LNX1: variants seen among roughly 807,000 people sequenced by gnomAD.
The protein encoded by LNX1 is ligand of numb-protein X 1, also known as E3 ubiquitin-protein ligase LNX.
In LNX1, 54 loss-of-function variants were observed where a neutral mutation model predicts 68.4. The observed-to-expected ratio is 0.79, with a 90% CI of 0.63 to 0.99. The LOEUF (loss-of-function observed/expected upper bound fraction) is 0.99, where lower values mean the gene tolerates loss of function less well. Among genes scored for constraint, LNX1 ranks in the 50% least tolerant of loss-of-function variants. The pLI, the probability that LNX1 is intolerant of heterozygous loss-of-function variation, is 0.00. For synonymous variants in LNX1, 336 were observed against 350.0 expected, an observed-to-expected ratio of 0.96 and a Z score of 0.45; for missense variants, 906 against 926.4, an observed-to-expected ratio of 0.98 and a Z score of 0.29.
chr4:53,463,649 C>A (rs1040322601), intron 9 of LNX1, among the ~76,000 whole-genome samples: 2 of 147,606 alleles, frequency 1.4e-5, no homozygotes, highest in South Asian at 4.3e-4. Flanking sequence ...GAAGATTTGG[C>A]ATAGTATAAG....
At chr4:53,593,934 T>C (rs1369416329), upstream of LNX1, 2 of 152,074 alleles carry the variant, frequency 1.3e-5, no homozygotes, top group Non-Finnish European at 2.9e-5. Context: ...CAAGGCCCAC[T>C]TTTTAACCAC....
In LNX1 at chr4:53,573,723, C is replaced by T; in HGVS notation, c.280G>A (p.Val94Ile). ...AGTAGCTTGTTGAGGAGTTTGTTGA[C>T]CAGGATGCTGGACTTCTTGCAGTGC... ...LQHCKKSSIL[V>I]NKLLNKLLVT... The change falls in exon 2 of 11, where the codon GTC becomes ATC. Residue 94 changes from valine (V) to isoleucine (I), a missense_variant. Physicochemically the swap from Val to Ile is conservative, Grantham distance 29. Coordinates refer to ENST00000263925, the MANE Select transcript of LNX1 (RefSeq NM_001126328.3). 1 of 1,611,176 alleles carries T rather than the reference C, an allele frequency of 6.2e-7. No homozygotes were observed. Among genetic ancestry groups the T allele is most frequent in the Admixed American group, 1.7e-5 (1 of 59,552 alleles).
rs183731214 is a variant in LNX1 at position 53,649,064 on chromosome 4, G to A, written c.-215+3104C>T. Among the ~76,000 whole-genome samples, 18 of 152,262 alleles carry A rather than the reference G, an allele frequency of 1.2e-4. No individual in the cohort carries two copies. In the East Asian group the frequency reaches 3.3e-3, roughly 28 times the overall value. ...GCCTGTAACCCAAAATATATCAAAA[G>A]ATAAGCAACAGTAAGGCATAAAATG... is the stretch of plus-strand genomic sequence containing the variant. On this transcript the variant is annotated intron_variant, in intron 1 of 2. Coordinates refer to the LNX1 transcript ENST00000507168.
At chr4:53,471,810 T>C (rs558994653) in intron 9 of LNX1, among the ~76,000 whole-genome samples, 3 of 152,266 alleles carry the variant, frequency 2.0e-5, no homozygotes, top group African/African-American at 7.2e-5. Flanking sequence ...CCAATTAGAA[T>C]GGCGATCATT....
chr4:53,644,097 T>TA (rs933243572), intron 1 of LNX1, among the ~76,000 whole-genome samples: 4 of 151,796 alleles, frequency 2.6e-5, no homozygotes, highest in African/African-American at 4.8e-5. Context: ...ATTCTAGTGA[T>TA]AAAAAAAAGT....
intron 1 of LNX1, among the ~76,000 whole-genome samples, chr4:53,652,009 A>ATGTG (rs139303198): frequency 1.6e-5 from 2 of 127,388 alleles, no homozygotes; most frequent in Admixed American, 7.9e-5. Flanking sequence ...CCTCAATTTG[A>ATGTG]TGTGTGTGTG....
Position 53,461,574 on chromosome 4 carries a change from C to T in LNX1, c.1912G>A (p.Asp638Asn). 3.1e-6 allele frequency: 5 copies of T among 1,611,560 alleles called. No individual in the cohort carries two copies. Among genetic ancestry groups the T allele is most frequent in the South Asian group, 1.1e-5 (1 of 90,882 alleles). The change falls in exon 10 of 11, where the codon GAT becomes AAT. Residue 638 changes from aspartate (D) to asparagine (N), a missense_variant. Physicochemically the swap from Asp to Asn is conservative, Grantham distance 23. Transcript: ENST00000263925. ...GCTGTGTTTCTTCGTAATACAATAT[C>T]TTTACAGTTATACAAGCACCTGAAA... ...ELPRCLYNCK[D>N]IVLRRNTAGS...
chr4:53,613,346 ATT>A (rs201327120), intron 2 of LNX1, among the ~76,000 whole-genome samples: 10 of 148,818 alleles, frequency 6.7e-5, no homozygotes, highest in African/African-American at 1.5e-4. Context: ...CTTTCCAGGA[ATT>A]TTTTTTTTTT....
intron 2 of LNX1, among the ~76,000 whole-genome samples, chr4:53,562,809 G>C (rs934409620): frequency 6.6e-6 from 1 of 152,064 alleles, no homozygotes; most frequent in African/African-American, 2.4e-5. Flanking sequence ...ACATATATGA[G>C]GTAATGCATG....
chr4:53,575,804 C>T, intron 1 of LNX1: 2 of 1,582,610 alleles, frequency 1.3e-6, no homozygotes, highest in East Asian at 4.5e-5. Context: ...CAGCTTCCTC[C>T]AGAGGTGGCA....
At chr4:53,542,555 T>C (rs1457165098) in intron 2 of LNX1, among the ~76,000 whole-genome samples, 1 of 152,082 alleles carries the variant, frequency 6.6e-6, no homozygotes, top group East Asian at 1.9e-4. Context: ...TGTCACAAAA[T>C]TTATGGATGA....
chr4:53,521,216 G>A (rs7681457), intron 2 of LNX1, among the ~76,000 whole-genome samples: 1,731 of 152,258 alleles, frequency 0.011, 35 homozygotes, highest in African/African-American at 0.038. Flanking sequence ...TCAGCTGCCT[G>A]TGATGAGCTC....
At chr4:53,501,678 T>C (rs1342652366) in intron 4 of LNX1, among the ~76,000 whole-genome samples, 2 of 152,164 alleles carry the variant, frequency 1.3e-5, no homozygotes, top group Admixed American at 6.5e-5. Context: ...CGCCAGTCCC[T>C]TTACTGACAT....
intron 2 of LNX1, among the ~76,000 whole-genome samples, chr4:53,554,842 ACT>A (rs1480344426): frequency 7.1e-6 from 1 of 141,468 alleles, no homozygotes; most frequent in Non-Finnish European, 1.5e-5. Context: ...ACAGAGCGAG[ACT>A]CTGTCTCAAA....
At chr4:53,638,585 C>A (rs1734565209) in intron 1 of LNX1, among the ~76,000 whole-genome samples, 1 of 152,122 alleles carries the variant, frequency 6.6e-6, no homozygotes, top group Non-Finnish European at 1.5e-5. Context: ...CTACTTAGTG[C>A]CCCGTTTTTC....
intron 1 of LNX1, among the ~76,000 whole-genome samples, chr4:53,587,796 G>A (rs1172537090): frequency 5.3e-5 from 8 of 152,236 alleles, no homozygotes; most frequent in African/African-American, 1.4e-4. Flanking sequence ...GGAAATCACC[G>A]CTCCAGGAAG....
At chr4:53,558,165 A>G (rs1284879745) in intron 2 of LNX1, 1 of 1,376,060 alleles carries the variant, frequency 7.3e-7, no homozygotes, top group African/African-American at 1.5e-5. Context: ...TTCTCAGATG[A>G]GAGGATGTAG....
intron 9 of LNX1, among the ~76,000 whole-genome samples, chr4:53,470,688 A>C (rs771217727): frequency 2.0e-5 from 3 of 152,204 alleles, no homozygotes; most frequent in Non-Finnish European, 2.9e-5. Flanking sequence ...ATTCTTATAC[A>C]CCAATAACAG....
intron 4 of LNX1, 145 bp downstream of exon 4, chr4:53,507,172 A>C: frequency 1.3e-6 from 1 of 779,210 alleles, no homozygotes; most frequent in Admixed American, 2.9e-5. Context: ...ATACGTGAGA[A>C]GTAGGCTAAT....
Sources: gnomAD v4.1 joint callset for allele counts (sites outside exome capture counted in the v4.1 genomes callset) on GRCh38, gnomAD v4.1.1 for gene constraint, MANE v1.5 for transcripts, NCBI Gene and HGNC (gene_info 2026-07-23, HGNC 2026-07-21) for gene names.